SPRY3: variants seen among roughly 807,000 people sequenced by gnomAD.
SPRY3 encodes protein sprouty homolog 3.
A neutral mutation model predicts 20.2 loss-of-function variants in SPRY3; 15 were observed. The ratio of observed to expected loss-of-function variants is 0.74; its 90% CI spans 0.50 to 1.14. The LOEUF (loss-of-function observed/expected upper bound fraction) is 1.14, where lower values mean the gene tolerates loss of function less well. Ranked by LOEUF, SPRY3 falls within the 50% of genes most tolerant of loss-of-function variation. The pLI, the probability that SPRY3 is intolerant of heterozygous loss-of-function variation, is 0.00. For synonymous variants in SPRY3, 143 were observed against 136.5 expected (o/e 1.05, Z -0.33); for missense variants, 364 against 363.9 (o/e 1.00, Z 0.00).
chrX:155,781,904 T>C (rs2091465324), exon 2 of SPRY3: 1 of 166,974 alleles, frequency 6.0e-6, no homozygotes, highest in South Asian at 2.1e-4. Context: ...TCAGTGACAA[T>C]CAAAATTAGC....
At chrX:155,721,361 G>T (rs979064401) in intron 2 of SPRY3, among the ~76,000 whole-genome samples, 6 of 152,070 alleles carry the variant, frequency 3.9e-5, no homozygotes, top group Non-Finnish European at 7.4e-5. Flanking sequence ...GAGGTACAGG[G>T]GTAGGGGAGG....
chrX:155,699,457 A>T (rs2068129100), intron 2 of SPRY3, among the ~76,000 whole-genome samples: 1 of 111,771 alleles, frequency 8.9e-6, no homozygotes, highest in South Asian at 3.8e-4. Context: ...GTCCTCCATG[A>T]ACCTCAACGG....
chrX:155,776,080 G>A (rs1323145955), exon 4 of SPRY3: 2 of 167,014 alleles, frequency 1.2e-5, no homozygotes, highest in Non-Finnish European at 2.9e-5. Flanking sequence ...TGAGTCATGG[G>A]ACTTTTTCCT....
chrX:155,704,930 G>T (rs915004999), intron 2 of SPRY3, among the ~76,000 whole-genome samples: 1 of 151,518 alleles, frequency 6.6e-6, no homozygotes, highest in Admixed American at 6.6e-5. Flanking sequence ...TTTTTAAAAT[G>T]AAGGTGAAAT....
At position 155,700,616 on chromosome X, in the gene SPRY3, CTT is replaced by C. The variant is rs759851874; in HGVS notation, c.-282+43607_-282+43608del. On this transcript the variant is annotated intron_variant, in intron 2 of 3. Transcript: ENST00000675360. ...TTCAGCCATAAAAAGGAATGAAGTTCTTTTTTTTTTTTTTTTTATTATACTCT... is the reference window on the plus strand; with the variant it reads ...TTCAGCCATAAAAAGGAATGAAGTTCTTTTTTTTTTTTTTTATTATACTCT... 7.4e-3 allele frequency among the ~76,000 whole-genome samples: 489 copies of C among 66,006 alleles called. 75 individuals are homozygous for C. The highest frequency in any genetic ancestry group is 0.037 in the African/African-American group (452 of 12,288). 57.3% of individuals were successfully genotyped at this position (66,006 alleles called of 115,157 possible). A position where few individuals can be genotyped will look rare whatever the true frequency, so the allele number is the denominator to read the frequency against.
intron 2 of SPRY3, among the ~76,000 whole-genome samples, chrX:155,723,898 A>T (rs1293007891): frequency 6.6e-6 from 1 of 152,206 alleles, no homozygotes; most frequent in Admixed American, 6.5e-5. Context: ...GTTTTCTTCC[A>T]GGGTTTTTAA....
chrX:155,722,213 TA>T (rs1275803171), intron 2 of SPRY3, among the ~76,000 whole-genome samples: 1 of 151,910 alleles, frequency 6.6e-6, no homozygotes, highest in Admixed American at 6.6e-5. Flanking sequence ...TCAAAAGACA[TA>T]AAAAAATACA....
At chrX:155,686,016 C>T (rs761923561) in intron 2 of SPRY3, among the ~76,000 whole-genome samples, 43 of 111,620 alleles carry the variant, frequency 3.9e-4, no homozygotes, top group African/African-American at 1.2e-3. Context: ...CCTCATGACC[C>T]GCCTGCCTTG....
At chrX:155,692,545 A>G (rs943665819) in intron 2 of SPRY3, among the ~76,000 whole-genome samples, 2 of 111,392 alleles carry the variant, frequency 1.8e-5, no homozygotes, top group African/African-American at 6.5e-5. Flanking sequence ...AAATTATACT[A>G]TCAACTTGTC....
chrX:155,691,138 A>G (rs2068101090), intron 2 of SPRY3, among the ~76,000 whole-genome samples: 1 of 87,099 alleles, frequency 1.1e-5, no homozygotes, highest in South Asian at 4.8e-4. Context: ...TTCGTGTTTA[A>G]CCCTGTGCTT....
At chrX:155,627,716 T>C (rs781785333) in intron 1 of SPRY3, among the ~76,000 whole-genome samples, 1 of 110,871 alleles carries the variant, frequency 9.0e-6, no homozygotes, top group Non-Finnish European at 1.9e-5. Context: ...GTTTGTTACA[T>C]AGGTAAATGT....
chrX:155,710,634 C>T (rs1247895436), intron 2 of SPRY3, among the ~76,000 whole-genome samples: 1 of 151,634 alleles, frequency 6.6e-6, no homozygotes, highest in East Asian at 1.9e-4. Flanking sequence ...TCTTCCTTTC[C>T]AATTTGGAGG....
intron 2 of SPRY3, among the ~76,000 whole-genome samples, chrX:155,714,648 G>T (rs1260762336): frequency 6.6e-6 from 1 of 151,998 alleles, no homozygotes; most frequent in Non-Finnish European, 1.5e-5. Flanking sequence ...CTTACCCAAG[G>T]CCCTTCCCTT....
chrX:155,708,427 C>T (rs1279287989), intron 2 of SPRY3, among the ~76,000 whole-genome samples: 1 of 151,272 alleles, frequency 6.6e-6, no homozygotes, highest in African/African-American at 2.4e-5. Flanking sequence ...TCTCCTGCTG[C>T]TTTCTAAATT....
chrX:155,766,498 A>T (rs2091331132), intron 2 of SPRY3, among the ~76,000 whole-genome samples: 1 of 152,142 alleles, frequency 6.6e-6, no homozygotes, highest in Non-Finnish European at 1.5e-5. Flanking sequence ...TTACCATCTC[A>T]ATTTTATAGA....
intron 2 of SPRY3, among the ~76,000 whole-genome samples, chrX:155,720,502 G>A (rs2091050397): frequency 6.6e-6 from 1 of 152,138 alleles, no homozygotes; most frequent in Non-Finnish European, 1.5e-5. Context: ...AAGACCCCGT[G>A]CTGTACTGGC....
rs746618015 is a variant in SPRY3, at chrX:155,708,376, T to C, written c.-282+51351T>C. Among the ~76,000 whole-genome samples, 12 of 151,532 alleles carry C rather than the reference T, an allele frequency of 7.9e-5. No homozygotes were observed. In the East Asian group the frequency reaches 1.9e-3, roughly 24 times the overall value. Reference sequence around the variant, plus strand: ...CTGGCCTCCATTGATTCTGATGAAATGCAAGCCATTAACAGTCATTCCCTT... The same window carrying C: ...CTGGCCTCCATTGATTCTGATGAAACGCAAGCCATTAACAGTCATTCCCTT... On this transcript the variant is annotated intron_variant, in intron 2 of 3. Coordinates refer to ENST00000675360, the Ensembl canonical transcript of SPRY3.
intron 2 of SPRY3, among the ~76,000 whole-genome samples, chrX:155,752,656 T>A (rs1172575936): frequency 6.6e-6 from 1 of 151,810 alleles, no homozygotes; most frequent in Admixed American, 6.6e-5. Context: ...AATATTTATA[T>A]TTAAAAGTAT....
At chrX:155,716,310 T>C (rs915875084) in intron 2 of SPRY3, among the ~76,000 whole-genome samples, 55 of 152,190 alleles carry the variant, frequency 3.6e-4, no homozygotes, top group African/African-American at 1.3e-3. Context: ...AACCCTATAC[T>C]TTTTATTTTG....
Sources: allele counts gnomAD v4.1 joint callset (sites outside exome capture counted in the v4.1 genomes callset), GRCh38; gene constraint gnomAD v4.1.1; transcripts MANE v1.5; gene names NCBI Gene and HGNC (gene_info 2026-07-23, HGNC 2026-07-21).